Variants in ZNF71 observed in about 807,000 individuals in gnomAD.
ZNF71 encodes endothelial zinc finger protein induced by tumor necrosis factor alpha.
Under a neutral mutation model 6.7 loss-of-function variants are expected in ZNF71, and 3 were observed. The ratio of observed to expected loss-of-function variants is 0.45; its 90% confidence interval spans 0.20 to 1.16. The LOEUF (loss-of-function observed/expected upper bound fraction) is 1.16, where lower values mean the gene tolerates loss of function less well. ZNF71 is among the 50% of genes most tolerant of loss of function. ZNF71 has a pLI of 0.25. For synonymous variants in ZNF71, 343 were observed against 311.1 expected (o/e 1.10, Z -1.08); for missense variants, 688 against 728.6 (o/e 0.94, Z 0.64).
At position 56,623,068 on chromosome 19, in the gene ZNF71, G is replaced by A. The variant is rs1344512669; in HGVS notation, c.*311G>A. On this transcript the variant is annotated 3_prime_UTR_variant, in exon 4 of 4. Transcript: ENST00000599599. The stretch of plus-strand genomic sequence containing the variant: ...TCTTGAGTAACTGTCCTAGAGCTGG[G>A]ACAGGTCACGCCTGCCTCCACATCT... 5.1e-6 allele frequency: 2 copies of A among 395,462 alleles called. No homozygotes were observed. The highest frequency in any genetic ancestry group is 8.7e-5 in the East Asian group (2 of 23,000). The allele number at this position is 395,462 out of a possible 1,614,324, so 24.5% of individuals were successfully genotyped here.
At chr19:56,609,564 A>T (rs1341982798) in intron 2 of ZNF71, among the ~76,000 whole-genome samples, 1 of 151,304 alleles carries the variant, frequency 6.6e-6, no homozygotes, top group African/African-American at 2.4e-5. Context: ...TGTCCCGGAC[A>T]TTGTGTATAA....
intron 2 of ZNF71, among the ~76,000 whole-genome samples, chr19:56,602,601 A>G (rs555073285): frequency 6.6e-6 from 1 of 152,314 alleles, no homozygotes; most frequent in East Asian, 1.9e-4. Flanking sequence ...TCTGAGTAGC[A>G]TTGTTTGTAT....
At position 56,624,152 on chromosome 19, in the gene ZNF71, G is replaced by A. The variant is rs1011398936; in HGVS notation, c.*1395G>A. The A allele has an allele frequency of 2.4e-5, 4 of 166,410 alleles. No homozygotes were observed. Among genetic ancestry groups the A allele is most frequent in the African/African-American group, 9.7e-5 (4 of 41,390 alleles). 10.3% of individuals were successfully genotyped at this position (166,410 alleles called of 1,614,324 possible). A position where few individuals can be genotyped will look rare whatever the true frequency, so the allele number is the denominator to read the frequency against. ...AGTTGTTCCACACTCCCTGACACTG[G>A]TGTACACAAATAAATAATACAGAAA... is the stretch of plus-strand genomic sequence containing the variant. On this transcript the variant is annotated 3_prime_UTR_variant, in exon 4 of 4. Transcript: ENST00000599599.
intron 2 of ZNF71, among the ~76,000 whole-genome samples, chr19:56,602,140 C>T (rs1339185594): frequency 1.3e-5 from 2 of 152,204 alleles, no homozygotes; most frequent in Admixed American, 6.5e-5. Flanking sequence ...TCCTTTGTAA[C>T]GTCCATCTTA....
intron 2 of ZNF71, among the ~76,000 whole-genome samples, chr19:56,606,585 G>C (rs2044711691): frequency 6.6e-6 from 1 of 152,162 alleles, no homozygotes; most frequent in Admixed American, 6.5e-5. Context: ...TTGGATGGCA[G>C]CTGGGCTAGA....
rs2044812292 is a variant in ZNF71 at position 56,618,177 on chromosome 19, A to G, written c.161-3091A>G. On this transcript the variant is annotated intron_variant, in intron 3 of 3. Coordinates refer to ENST00000599599, the MANE Select transcript of ZNF71 (RefSeq NM_001370215.1). The surrounding 1 kb of genome is among the most constrained non-coding windows in gnomAD (Gnocchi z 4.6). ...ATGCATGGTAATATAGCCACTCCTC[A>G]GGAGCCACAGCTCGGGGGCCACACT... is the stretch of plus-strand genomic sequence containing the variant. 6.6e-6 allele frequency among the ~76,000 whole-genome samples: 1 copy of G among 152,166 alleles called. No individual in the cohort carries two copies. The highest frequency in any genetic ancestry group is 2.1e-4 in the South Asian group (1 of 4,818).
At chr19:56,606,227 T>TG (rs1291595475) in intron 2 of ZNF71, among the ~76,000 whole-genome samples, 1 of 152,216 alleles carries the variant, frequency 6.6e-6, no homozygotes, top group Non-Finnish European at 1.5e-5. Context: ...GCCCAGTGCC[T>TG]GGTGCATGGC....
At chr19:56,597,929 C>G (rs4140988) in intron 1 of ZNF71, among the ~76,000 whole-genome samples, 109,332 of 151,896 alleles carry the variant, frequency 0.72, 39,749 homozygotes, top group East Asian at 1. Context: ...CTGTTCCTTT[C>G]AATCCTGGCC....
chr19:56,599,138 G>A (rs1231542555), intron 1 of ZNF71, among the ~76,000 whole-genome samples: 1 of 152,198 alleles, frequency 6.6e-6, no homozygotes, highest in Non-Finnish European at 1.5e-5. Context: ...TGGAGATGTA[G>A]AGAGGCATGT....
At position 56,618,626 on chromosome 19, in the gene ZNF71, T is replaced by C. The variant is rs924556847; in HGVS notation, c.161-2642T>C. On this transcript the variant is annotated intron_variant, in intron 3 of 3. Coordinates refer to ENST00000599599, the MANE Select transcript of ZNF71 (RefSeq NM_001370215.1). This position sits in a 1 kb window ranked among gnomAD's most constrained non-coding sequence, Gnocchi z 4.6. ...GTAGGGTGGATTGGGAAGGCTCCCG[T>C]GGGGTTGTGGGGAAACAGGCCTGAA... is the stretch of plus-strand genomic sequence containing the variant. 2.6e-5 allele frequency among the ~76,000 whole-genome samples: 4 copies of C among 152,020 alleles called. No homozygotes were observed. In the Middle Eastern group the frequency reaches 0.01, roughly 390 times the overall value.
intron 2 of ZNF71, among the ~76,000 whole-genome samples, chr19:56,611,537 G>A (rs989123599): frequency 7.9e-5 from 12 of 152,162 alleles, no homozygotes; most frequent in African/African-American, 2.4e-4. Flanking sequence ...TCACGGGATC[G>A]CAGAGTCAAA....
chr19:56,612,158 G>A (rs936189764), intron 2 of ZNF71, among the ~76,000 whole-genome samples: 1 of 152,330 alleles, frequency 6.6e-6, no homozygotes, highest in African/African-American at 2.4e-5. Flanking sequence ...AGAACTAAAA[G>A]TAGATCTCCC....
chr19:56,605,969 C>T (rs1172877967), intron 2 of ZNF71, among the ~76,000 whole-genome samples: 2 of 152,132 alleles, frequency 1.3e-5, no homozygotes, highest in African/African-American at 2.4e-5. Flanking sequence ...AAAATGCTGC[C>T]ACTCCCATCT....
chr19:56,595,983 AGCGTGTGT>A (rs1486663508), intron 1 of ZNF71, among the ~76,000 whole-genome samples: 1 of 138,284 alleles, frequency 7.2e-6, no homozygotes, highest in African/African-American at 2.8e-5. Flanking sequence ...CATGTGTGGT[AGCGTGTGT>A]GTGTGTGTGT....
chr19:56,601,977 G>T (rs2044674400), intron 2 of ZNF71, among the ~76,000 whole-genome samples: 1 of 152,166 alleles, frequency 6.6e-6, no homozygotes, highest in African/African-American at 2.4e-5. Context: ...AAGTACAAAA[G>T]CTTATGGGAA....
In ZNF71 at chr19:56,621,409, C is replaced by T. The variant is rs1483358156; in HGVS notation, c.302C>T (p.Pro101Leu). Residue 101 changes from proline to leucine, a missense_variant, in exon 4 of 4, where the codon CCA becomes CTA. Coordinates refer to ENST00000599599, the MANE Select transcript of ZNF71 (RefSeq NM_001370215.1). ...CCTGGCTCAGAAGGAGTGTGGGAAC[C>T]AGGCAGCTGGCCAGAGAGGCCGCGG... Reference protein sequence around the residue: ...RGPGSEGVWEPGSWPERPRGD... With the variant: ...RGPGSEGVWELGSWPERPRGD... 2 of 1,612,656 alleles carry T rather than the reference C, an allele frequency of 1.2e-6. No individual in the cohort carries two copies. Among genetic ancestry groups the T allele is most frequent in the South Asian group, 2.2e-5 (2 of 90,820 alleles).
intron 3 of ZNF71, among the ~76,000 whole-genome samples, chr19:56,620,953 C>G (rs1410659783): frequency 6.6e-6 from 1 of 152,168 alleles, no homozygotes; most frequent in Admixed American, 6.5e-5. Flanking sequence ...GTTTGCAGAG[C>G]CTGCCCTTTG....
At chr19:56,595,483 G>C (rs920894594) in intron 1 of ZNF71, 55 bp downstream of exon 1, 10 of 159,246 alleles carry the variant, frequency 6.3e-5, no homozygotes, top group African/African-American at 2.4e-4. Context: ...GCAGGAGAGG[G>C]CGTGCAGGCC....
In ZNF71 at chr19:56,598,439, T is replaced by C. The variant is rs1452800443; in HGVS notation, c.-53+3011T>C. ...GGTGGGGGAAGCCAACGAAGAGTTTTGAAGAGTTTTAGCCCAGAGGACATT... is the reference window on the plus strand; with the variant it reads ...GGTGGGGGAAGCCAACGAAGAGTTTCGAAGAGTTTTAGCCCAGAGGACATT... On this transcript the variant is annotated intron_variant, in intron 1 of 3. Coordinates refer to ENST00000599599, the MANE Select transcript of ZNF71 (RefSeq NM_001370215.1). The surrounding 1 kb of genome is among the most constrained non-coding windows in gnomAD (Gnocchi z 4.2). 6.6e-6 allele frequency among the ~76,000 whole-genome samples: 1 copy of C among 152,158 alleles called. No homozygotes were observed. The highest frequency in any genetic ancestry group is 2.4e-5 in the African/African-American group (1 of 41,440).
Sources: allele counts gnomAD v4.1 joint callset (sites outside exome capture counted in the v4.1 genomes callset), GRCh38; gene constraint gnomAD v4.1.1; non-coding constraint Gnocchi (gnomAD v3.1); transcripts MANE v1.5; gene names NCBI Gene and HGNC (gene_info 2026-07-23, HGNC 2026-07-21).